Variants in PLXNA4 observed in about 807,000 individuals in gnomAD.
The protein encoded by PLXNA4 is plexin-A4.
A neutral mutation model predicts 191.8 loss-of-function variants in PLXNA4; 44 were observed. The ratio of observed to expected loss-of-function variants is 0.23; its 90% CI spans 0.18 to 0.29. The LOEUF is 0.29. PLXNA4 is among the 10% of genes least tolerant of loss of function. PLXNA4 has a pLI of 1.00. For missense variants in PLXNA4, 1,800 were observed against 2,488.8 expected (o/e 0.72, Z 5.89); for synonymous variants, 1,082 against 1,009.5 (o/e 1.07, Z -1.36).
At chr7:132,463,141 G>T (rs577380309) in intron 3 of PLXNA4, among the ~76,000 whole-genome samples, 65 of 152,124 alleles carry the variant, frequency 4.3e-4, no homozygotes, top group Non-Finnish European at 8.5e-4. Flanking sequence ...GTGAGCCATC[G>T]CGCCCAGCCT....
chr7:132,223,623 C>T lies in PLXNA4; in HGVS notation c.2001G>A (p.Glu667=). Residue 667 remains glutamate, a synonymous_variant, in exon 9 of 32, where the codon GAG becomes GAA. Transcript: ENST00000321063. Reference sequence around the variant, plus strand: ...TACACCAGTGGCAGCGGTATGGACTCTCCACGCAGGACAGGCACCTGGGCA... The same window carrying T: ...TACACCAGTGGCAGCGGTATGGACTTTCCACGCAGGACAGGCACCTGGGCA... ...SVHNSCLSCV[E]SPYRCHWCKY... 9 of 1,613,480 alleles carry T rather than the reference C, an allele frequency of 5.6e-6. No homozygotes were observed. The highest frequency in any genetic ancestry group is 7.6e-6 in the Non-Finnish European group (9 of 1,179,774).
At chr7:132,278,255 T>G (rs1355607407) in intron 4 of PLXNA4, among the ~76,000 whole-genome samples, 1 of 152,220 alleles carries the variant, frequency 6.6e-6, no homozygotes, top group African/African-American at 2.4e-5. Flanking sequence ...ACTATCTTTT[T>G]GCACGGCGCC....
rs567212703 is a variant in PLXNA4 at position 132,438,275 on chromosome 7, C to T, written c.1371+51017G>A. 3.3e-5 allele frequency among the ~76,000 whole-genome samples: 5 copies of T among 152,134 alleles called. No homozygotes were observed. In the East Asian group the frequency reaches 9.6e-4, roughly 29 times the overall value. On this transcript the variant is annotated intron_variant, in intron 3 of 31. Transcript: ENST00000321063. Reference sequence around the variant, plus strand: ...GTCCTCATCTATGAGGTGTAGATAACAGTAAGTAACTATCATAGGGTTGCT... The same window carrying T: ...GTCCTCATCTATGAGGTGTAGATAATAGTAAGTAACTATCATAGGGTTGCT...
At chr7:132,364,703 GA>G (rs1804085479) in intron 3 of PLXNA4, among the ~76,000 whole-genome samples, 1 of 152,210 alleles carries the variant, frequency 6.6e-6, no homozygotes, top group Admixed American at 6.5e-5. Flanking sequence ...TTGCTCAGGG[GA>G]TGTGGAGAAT....
At chr7:132,491,010 T>C (rs554071101) in intron 2 of PLXNA4, among the ~76,000 whole-genome samples, 1 of 152,100 alleles carries the variant, frequency 6.6e-6, no homozygotes, top group African/African-American at 2.4e-5. Flanking sequence ...CCCTCGGCAC[T>C]CCCCACAAGC....
intron 1 of PLXNA4, among the ~76,000 whole-genome samples, chr7:132,562,558 C>CCTT: frequency 7.9e-6 from 1 of 126,174 alleles, no homozygotes; most frequent in Non-Finnish European, 1.6e-5. Flanking sequence ...TCCTCCTTCT[C>CCTT]TTCCTCCTTT....
At chr7:132,432,875 C>A (rs934224455) in intron 3 of PLXNA4, among the ~76,000 whole-genome samples, 1 of 152,182 alleles carries the variant, frequency 6.6e-6, no homozygotes, top group African/African-American at 2.4e-5. Flanking sequence ...CTAGGCCTTT[C>A]GAGTCCCTTT....
chr7:132,587,438 C>A (rs1188276185), intron 2 of PLXNA4, among the ~76,000 whole-genome samples: 1 of 152,216 alleles, frequency 6.6e-6, no homozygotes, highest in Admixed American at 6.5e-5. Flanking sequence ...GTAGTGAGTT[C>A]TCCATCACTT....
chr7:132,269,297 A>AT (rs1476618699), intron 4 of PLXNA4, among the ~76,000 whole-genome samples: 5 of 152,158 alleles, frequency 3.3e-5, no homozygotes, highest in African/African-American at 4.8e-5. Flanking sequence ...TGAATAGACT[A>AT]TTTTTTAGAG....
Position 132,182,136 on chromosome 7 carries a change from G to A in PLXNA4, c.3213C>T (p.Pro1071=). The change falls in exon 17 of 32, where the codon CCC becomes CCT. Residue 1071 remains proline, a synonymous_variant. Transcript: ENST00000321063. ...TCCCTCCATGCTTGGCACGGATCTGGGGGTTCTGTATGAGGTCCAGGTGGG... is the reference window on the plus strand; with the variant it reads ...TCCCTCCATGCTTGGCACGGATCTGAGGGTTCTGTATGAGGTCCAGGTGGG... ...WGTHLDLIQN[P]QIRAKHGGKE... is the part of the protein sequence containing the mutation. 1 of 1,614,176 alleles carries A rather than the reference G, an allele frequency of 6.2e-7. No homozygotes were observed. The highest frequency in any genetic ancestry group is 8.5e-7 in the Non-Finnish European group (1 of 1,180,044).
chr7:132,182,461 C>T (rs910710890), intron 16 of PLXNA4, among the ~76,000 whole-genome samples: 6 of 152,188 alleles, frequency 3.9e-5, no homozygotes, highest in African/African-American at 1.4e-4. Context: ...GTCAACAGCA[C>T]AGCCCCCTTG....
At position 132,369,117 on chromosome 7, in the gene PLXNA4, C is replaced by T. The variant is rs562710519; in HGVS notation, c.1372-70895G>A. On this transcript the variant is annotated intron_variant, in intron 3 of 31. Transcript: ENST00000321063. ...CCCAGAGCCTCTCCCAGCCCTTTCA[C>T]AGAAGATGAGAGAATCCCTAACGCC... Among the ~76,000 whole-genome samples, 25 of 152,312 alleles carry T rather than the reference C, an allele frequency of 1.6e-4. No homozygotes were observed. The South Asian group carries it at 5.0e-3, about 30-fold the overall frequency.
At chr7:132,584,093 G>C (rs2116816674) in intron 2 of PLXNA4, among the ~76,000 whole-genome samples, 1 of 152,300 alleles carries the variant, frequency 6.6e-6, no homozygotes, top group Middle Eastern at 3.4e-3. Flanking sequence ...GATGGGCCTG[G>C]ATAAGACAGG....
rs1393928980 is a variant in PLXNA4 at position 132,228,348 on chromosome 7, G to T, written c.1726C>A (p.Leu576Met). ...NNISVSQYNV[L>M]LVLETYNVPE... The stretch of plus-strand genomic sequence containing the variant: ...ACCCCAACCCCCACGACCCTTACCA[G>T]CACGTTGTACTGAGAGACGGAGATA... The change falls in exon 6 of 32, where the codon CTG (leucine) becomes ATG (methionine). Residue 576 changes from leucine to methionine, a missense_variant and splice_region_variant. Coordinates refer to ENST00000321063, the MANE Select transcript of PLXNA4 (RefSeq NM_020911.2). 14 of 1,613,936 alleles carry T rather than the reference G, an allele frequency of 8.7e-6. No individual in the cohort carries two copies. Among genetic ancestry groups the T allele is most frequent in the African/African-American group, 1.3e-5 (1 of 74,898 alleles).
chr7:132,325,465 C>A (rs1584993996), intron 3 of PLXNA4, among the ~76,000 whole-genome samples: 1 of 152,156 alleles, frequency 6.6e-6, no homozygotes, highest in African/African-American at 2.4e-5. Flanking sequence ...GTGAATGTGA[C>A]TTTACTTGGA....
At chr7:132,249,366 G>A (rs1799167298) in intron 4 of PLXNA4, among the ~76,000 whole-genome samples, 1 of 152,250 alleles carries the variant, frequency 6.6e-6, no homozygotes, top group African/African-American at 2.4e-5. Flanking sequence ...TAGGAAGCCA[G>A]TTTGCTCTGG....
At chr7:132,451,163 C>T (rs1046441700) in intron 3 of PLXNA4, among the ~76,000 whole-genome samples, 7 of 152,152 alleles carry the variant, frequency 4.6e-5, no homozygotes, top group East Asian at 1.9e-4. Flanking sequence ...GTCTAGACCA[C>T]GAGGGACTCA....
At position 132,597,857 on chromosome 7, in the gene PLXNA4, C is replaced by CTATA. The variant is rs372984088; in HGVS notation, c.-87+48070_-87+48071insTATA. ...CATGTTGCGCTCTCTCTCTCTCTCTCTCTATATATATATATACATCCAATC... is the reference window on the plus strand; with the variant it reads ...CATGTTGCGCTCTCTCTCTCTCTCTCTATATCTATATATATATATACATCCAATC... On this transcript the variant is annotated intron_variant, in intron 2 of 4. Transcript: ENST00000378539. Among the ~76,000 whole-genome samples, 66 of 58,148 alleles carry CTATA rather than the reference C, an allele frequency of 1.1e-3. No individual in the cohort carries two copies. The South Asian group carries it at 0.025, about 22-fold the overall frequency. 38.1% of individuals were successfully genotyped at this position (58,148 alleles called of 152,430 possible).
At chr7:132,181,930 TTATGTCTTCCCCCC>T (rs1796720470) in intron 17 of PLXNA4, among the ~76,000 whole-genome samples, 153 bp downstream of exon 17, 2 of 152,206 alleles carry the variant, frequency 1.3e-5, no homozygotes, top group African/African-American at 2.4e-5. Flanking sequence ...AAAAATGCCC[TTATGTCTTCCCCCC>T]TATTCCACTA....
Sources: allele counts gnomAD v4.1 joint callset (sites outside exome capture counted in the v4.1 genomes callset), GRCh38; gene constraint gnomAD v4.1.1; transcripts MANE v1.5; gene names NCBI Gene and HGNC (gene_info 2026-07-23, HGNC 2026-07-21).